Variants in CAPZB observed in about 807,000 individuals in gnomAD.
CAPZB encodes the protein F-actin-capping protein subunit beta.
In CAPZB, 2 loss-of-function variants were observed where a neutral mutation model predicts 38.1. The observed-to-expected ratio is 0.05, with a 90% CI of 0.02 to 0.17. The LOEUF (loss-of-function observed/expected upper bound fraction) is 0.17, where lower values mean the gene tolerates loss of function less well. CAPZB is among the 10% of genes least tolerant of loss of function. The pLI is 1.00. For missense variants in CAPZB, 161 were observed against 334.2 expected (o/e 0.48, Z 4.04); for synonymous variants, 107 against 127.4 (o/e 0.84, Z 1.08).
intron 6 of CAPZB, among the ~76,000 whole-genome samples, chr1:19,349,392 C>T (rs2093979677): frequency 6.6e-6 from 1 of 151,950 alleles, no homozygotes; most frequent in South Asian, 2.1e-4. Context: ...TCCTCCCCGG[C>T]TCCATGTGGA....
At position 19,356,087 on chromosome 1, in the gene CAPZB, T is replaced by C. The variant is rs139538884; in HGVS notation, c.588+548A>G. Among the ~76,000 whole-genome samples the C allele has an allele frequency of 1.7e-3, 253 of 152,236 alleles. 1 individual carries two copies. Among genetic ancestry groups the C allele is most frequent in the African/African-American group, 5.9e-3 (243 of 41,528 alleles). ...GGTATCCAGTAGGGCACTTCTGAAA[T>C]TTCAATGTGCACACATTACCTGGGC... On this transcript the variant is annotated intron_variant, in intron 6 of 8. Coordinates refer to ENST00000264202, the MANE Select transcript of CAPZB (RefSeq NM_004930.5). This position sits in a 1 kb window ranked among gnomAD's most constrained non-coding sequence, Gnocchi z 4.3.
intron 2 of CAPZB, among the ~76,000 whole-genome samples, chr1:19,416,936 T>C (rs2094382608): frequency 6.9e-6 from 1 of 144,732 alleles, no homozygotes. Flanking sequence ...ACACCATATA[T>C]CAGTGGTAGA....
Position 19,484,430 on chromosome 1 carries a change from G to A in CAPZB, c.3+1006C>T, listed in dbSNP as rs1445929081. On this transcript the variant is annotated intron_variant, in intron 1 of 8. Coordinates refer to ENST00000264202, the MANE Select transcript of CAPZB (RefSeq NM_004930.5). ...GCCCGGGCGCCGTGGACCCCGGCCT[G>A]CCCTGCAGAATGCTTCGCACGCACA... The A allele has an allele frequency of 4.6e-6, 7 of 1,515,130 alleles. No homozygotes were observed. The African/African-American group carries it at 6.9e-5, about 15-fold the overall frequency. The allele number at this position is 1,515,130 out of a possible 1,614,324, so 93.9% of individuals were successfully genotyped here.
At chr1:19,385,794 C>T in intron 2 of CAPZB, 168 bp from the exon 3 acceptor site, 2 of 799,820 alleles carry the variant, frequency 2.5e-6, no homozygotes, top group South Asian at 1.4e-5. Flanking sequence ...TGTCTGACAC[C>T]AACTGTGTCC....
intron 4 of CAPZB, 23 bp downstream of exon 4, chr1:19,378,517 T>A: frequency 7.5e-7 from 1 of 1,338,332 alleles, no homozygotes; most frequent in Non-Finnish European, 1.1e-6. Flanking sequence ...AGCGCTAAAG[T>A]GCAACAGGAG....
chr1:19,360,263 T>C (rs1053014600), intron 4 of CAPZB, among the ~76,000 whole-genome samples: 4 of 152,198 alleles, frequency 2.6e-5, no homozygotes, highest in Non-Finnish European at 5.9e-5. Context: ...GGCTTGGTTC[T>C]AGCACACCGT....
intron 2 of CAPZB, among the ~76,000 whole-genome samples, chr1:19,408,036 A>C (rs1456795801): frequency 6.6e-6 from 1 of 152,174 alleles, no homozygotes; most frequent in Non-Finnish European, 1.5e-5. Flanking sequence ...ACAAGTTCTC[A>C]TGACTATCTA....
intron 2 of CAPZB, among the ~76,000 whole-genome samples, chr1:19,394,249 G>C (rs879850866): frequency 6.6e-6 from 1 of 152,154 alleles, no homozygotes; most frequent in Admixed American, 6.5e-5. Context: ...CCCTCTCAAA[G>C]TGCTGGGATT....
At chr1:19,416,488 A>T (rs531893476) in intron 2 of CAPZB, among the ~76,000 whole-genome samples, 1 of 152,278 alleles carries the variant, frequency 6.6e-6, no homozygotes, top group East Asian at 1.9e-4. Context: ...AACAATAAAC[A>T]ACACAAACAG....
In CAPZB at chr1:19,357,433, C is replaced by T. The variant is rs750255932; in HGVS notation, c.460G>A (p.Val154Ile). Residue 154 changes from valine (V) to isoleucine (I), a missense_variant, in exon 5 of 9, where the codon GTA (valine) becomes ATA (isoleucine). Val to Ile is a conservative substitution (Grantham distance 29). Coordinates refer to ENST00000264202, the MANE Select transcript of CAPZB (RefSeq NM_004930.5). The surrounding 1 kb of genome is among the most constrained non-coding windows in gnomAD (Gnocchi z 4.3). ...CTGGGAGGCAGTACCTGCACTTCTA[C>T]CACGTGGATGGAATCCCAGCAGCCT... ...IKGCWDSIHV[V>I]EVQEKSSGRT... 1.3e-5 allele frequency: 21 copies of T among 1,613,948 alleles called. No homozygotes were observed. In the East Asian group the frequency reaches 2.2e-4, roughly 17 times the overall value.
chr1:19,375,614 A>G (rs1179841192), intron 4 of CAPZB, among the ~76,000 whole-genome samples: 2 of 152,156 alleles, frequency 1.3e-5, no homozygotes, highest in Admixed American at 1.3e-4. Flanking sequence ...CCCCTCTTTC[A>G]ACTCCCCCGA....
At chr1:19,379,822 AG>A (rs1221477545) in intron 3 of CAPZB, among the ~76,000 whole-genome samples, 17 of 152,324 alleles carry the variant, frequency 1.1e-4, no homozygotes, top group Non-Finnish European at 2.5e-4. Flanking sequence ...CCGAGTGTTC[AG>A]AGAAAGTAGC....
chr1:19,343,525 C>T lies in CAPZB; in HGVS notation c.731+833G>A, dbSNP rs189082822. Among the ~76,000 whole-genome samples, 19 of 152,360 alleles carry T rather than the reference C, an allele frequency of 1.2e-4. No homozygotes were observed. In the East Asian group the frequency reaches 2.7e-3, roughly 22 times the overall value. ...GATTCATCATCTCAGCCGACCGTGCCTCCTCGACTGGACAAGGGCCTCTGC... is the reference window on the plus strand; with the variant it reads ...GATTCATCATCTCAGCCGACCGTGCTTCCTCGACTGGACAAGGGCCTCTGC... On this transcript the variant is annotated intron_variant, in intron 8 of 8. Transcript: ENST00000264202.
chr1:19,460,072 GA>G, intron 1 of CAPZB, among the ~76,000 whole-genome samples: 1 of 151,374 alleles, frequency 6.6e-6, no homozygotes, highest in Non-Finnish European at 1.5e-5. Flanking sequence ...AATAAGGAAC[GA>G]AAAAAAACTG....
chr1:19,449,633 C>T (rs888347823), intron 1 of CAPZB, among the ~76,000 whole-genome samples: 2 of 151,804 alleles, frequency 1.3e-5, no homozygotes, highest in Admixed American at 6.6e-5. Flanking sequence ...ACTAAAAACA[C>T]AAAAATTAGC....
intron 1 of CAPZB, chr1:19,448,805 TC>T: frequency 6.2e-7 from 1 of 1,612,140 alleles, no homozygotes. Context: ...TTGCTCCTCC[TC>T]CCCCCTCAGA....
chr1:19,420,479 T>C (rs1308158162), intron 1 of CAPZB, among the ~76,000 whole-genome samples: 1 of 152,124 alleles, frequency 6.6e-6, no homozygotes, highest in Non-Finnish European at 1.5e-5. Context: ...TGTAGTGGCA[T>C]GATCTTGGCT....
chr1:19,396,955 A>G (rs1312315383), intron 2 of CAPZB, among the ~76,000 whole-genome samples: 2 of 152,110 alleles, frequency 1.3e-5, no homozygotes, highest in Non-Finnish European at 2.9e-5. Flanking sequence ...CTGTCTCAAA[A>G]AATTAAAAAA....
intron 1 of CAPZB, among the ~76,000 whole-genome samples, chr1:19,437,537 C>T (rs1291457746): frequency 2.0e-5 from 3 of 152,124 alleles, no homozygotes; most frequent in African/African-American, 2.4e-5. Context: ...ATGCTAAGTC[C>T]GCTAGCCTCG....
Sources: gnomAD v4.1 joint callset for allele counts (sites outside exome capture counted in the v4.1 genomes callset) on GRCh38, gnomAD v4.1.1 for gene constraint, Gnocchi (gnomAD v3.1) non-coding constraint, MANE v1.5 for transcripts, NCBI Gene and HGNC (gene_info 2026-07-23, HGNC 2026-07-21) for gene names.